Variants in VPS13C observed in about 807,000 individuals in gnomAD.
VPS13C encodes the protein intermembrane lipid transfer protein VPS13C.
A neutral mutation model predicts 456.8 loss-of-function variants in VPS13C; 358 were observed. The ratio of observed to expected loss-of-function variants is 0.78; its 90% CI spans 0.72 to 0.86. The LOEUF (loss-of-function observed/expected upper bound fraction) is 0.86. Ranked by LOEUF, VPS13C falls within the 40% of genes least tolerant of loss-of-function variation. The probability of loss-of-function intolerance (pLI) is 0.00; values close to 1 mark genes in which losing one functional copy is unlikely to be tolerated. For synonymous variants in VPS13C, 1,578 were observed against 1,486.7 expected (o/e 1.06, Z -1.41); for missense variants, 4,818 against 4,385.4 (o/e 1.10, Z -2.79).
At chr15:62,041,056 A>G (rs555664112) in intron 3 of VPS13C, among the ~76,000 whole-genome samples, 1 of 152,330 alleles carries the variant, frequency 6.6e-6, no homozygotes, top group East Asian at 1.9e-4. Flanking sequence ...CTGAAAATGA[A>G]GGTATATTTT....
intron 82 of VPS13C, among the ~76,000 whole-genome samples, chr15:61,857,994 C>A (rs1894014168): frequency 6.6e-6 from 1 of 152,178 alleles, no homozygotes; most frequent in South Asian, 2.1e-4. Context: ...GTCCTACAAT[C>A]ACTGTGGCAA....
rs767421148 is a variant in VPS13C at position 61,982,440 on chromosome 15, A to G, written c.2029+19T>C. 6.3e-7 allele frequency: 1 copy of G among 1,581,260 alleles called. No individual in the cohort carries two copies. Among genetic ancestry groups the G allele is most frequent in the South Asian group, 1.2e-5 (1 of 85,490 alleles). On this transcript the variant is annotated intron_variant, in intron 21 of 84. Transcript: ENST00000644861. ...TTTTAAGCTTAGCTGATGCTTATGT[A>G]GACACTCAAATTCTTCACCTGTAGC...
intron 82 of VPS13C, chr15:61,856,675 CTTTT>C (rs1181385914): frequency 6.9e-6 from 1 of 145,144 alleles, no homozygotes; most frequent in Non-Finnish European, 1.3e-5. Context: ...ACTTTTTTTT[CTTTT>C]TTCTTTTCTT....
Position 61,869,517 on chromosome 15 carries a change from G to C in VPS13C, c.10731C>G (p.Thr3577=). 1 of 1,614,056 alleles carries C rather than the reference G, an allele frequency of 6.2e-7. No homozygotes were observed. The highest frequency in any genetic ancestry group is 8.5e-7 in the Non-Finnish European group (1 of 1,180,004). The part of the protein sequence containing the change: ...TGGIVDMASS[T]FQGIQRAAES... ...TCAATTACCTCTGAATGCCTTGGAA[G>C]GTACTACTGGCCATATCTACGATTC... Residue 3577 remains threonine (T), a synonymous_variant, in exon 80 of 85, where the codon ACC becomes ACG. Coordinates refer to ENST00000644861, the MANE Select transcript of VPS13C (RefSeq NM_020821.3).
Position 61,852,901 on chromosome 15 carries a change from C to T in VPS13C, c.*1556G>A, listed in dbSNP as rs921522885. 1 of 152,072 alleles carries T rather than the reference C, an allele frequency of 6.6e-6. No individual in the cohort carries two copies. The highest frequency in any genetic ancestry group is 1.5e-5 in the Non-Finnish European group (1 of 67,982). 9.4% of individuals were successfully genotyped at this position (152,072 alleles called of 1,614,324 possible). A position where few individuals can be genotyped will look rare whatever the true frequency, so the allele number is the denominator to read the frequency against. On this transcript the variant is annotated 3_prime_UTR_variant, in exon 85 of 85. Coordinates refer to ENST00000644861, the MANE Select transcript of VPS13C (RefSeq NM_020821.3). ...AGTTTTATGACCAGGCCTTAAAAAACATGAATGATGATGACAGAACCACTA... is the reference window on the plus strand; with the variant it reads ...AGTTTTATGACCAGGCCTTAAAAAATATGAATGATGATGACAGAACCACTA...
rs12595158 is a variant in VPS13C at position 62,023,836 on chromosome 15, C to T, written c.458G>A (p.Arg153His). 0.041 allele frequency: 65,634 copies of T among 1,609,346 alleles called. 3,215 individuals carry two copies. The highest frequency in any genetic ancestry group is 0.21 in the East Asian group (9,470 of 44,618). ...CTTAAAATGTTTTTTGTGCTTTTTA[C>T]GTTTACGTCCTTCACAGTGGAAGCA... Reference protein sequence around the residue: ...VYKDIKPGRKRKKHKKHFKKP... With the variant: ...VYKDIKPGRKHKKHKKHFKKP... Residue 153 changes from arginine to histidine, a missense_variant, in exon 7 of 85, where the codon CGT (arginine) becomes CAT (histidine). Arg to His is a conservative substitution (Grantham distance 29). This residue lies in a region of VPS13C where 4,552 missense variants were observed against 4,130.6 expected (regional missense o/e 1.10). Transcript: ENST00000644861.
rs3784632 is a variant in VPS13C at position 61,978,566 on chromosome 15, G to A, written c.2290+60C>T. The A allele has an allele frequency of 0.35, 543,787 of 1,570,084 alleles. 96,928 individuals are homozygous for A. The highest frequency in any genetic ancestry group is 0.49 in the Middle Eastern group (2,851 of 5,820). ...GATATATAGGCACACATATATACACGTATATTACACAAACTACCCATCATA... is the reference window on the plus strand; with the variant it reads ...GATATATAGGCACACATATATACACATATATTACACAAACTACCCATCATA... On this transcript the variant is annotated intron_variant, in intron 23 of 84. Coordinates refer to ENST00000644861, the MANE Select transcript of VPS13C (RefSeq NM_020821.3).
chr15:61,983,026 G>T (rs1350889899), intron 20 of VPS13C, among the ~76,000 whole-genome samples: 1 of 152,142 alleles, frequency 6.6e-6, no homozygotes, highest in Non-Finnish European at 1.5e-5. Context: ...CAGTTCTGGA[G>T]ACTGGCTGTT....
intron 53 of VPS13C, among the ~76,000 whole-genome samples, chr15:61,924,887 T>C (rs1305354138): frequency 6.6e-6 from 1 of 152,174 alleles, no homozygotes; most frequent in Non-Finnish European, 1.5e-5. Flanking sequence ...TTCTATATCT[T>C]CTATTCGTGA....
Position 61,858,151 on chromosome 15 carries a change from T to G in VPS13C, c.10953-1742A>C, listed in dbSNP as rs1332668700. Among the ~76,000 whole-genome samples the G allele has an allele frequency of 6.6e-6, 1 of 152,124 alleles. No homozygotes were observed. The highest frequency in any genetic ancestry group is 2.4e-5 in the African/African-American group (1 of 41,420). ...TATTCCAAATATCTTTAAACTCTTC[T>G]CTTTACCATCCCAATAATACTACCG... On this transcript the variant is annotated intron_variant, in intron 82 of 84. Transcript: ENST00000644861. This position sits in a 1 kb window ranked among gnomAD's most constrained non-coding sequence, Gnocchi z 4.4.
rs1269010008 is a variant in VPS13C at position 61,935,435 on chromosome 15, A to C, written c.5756-1104T>G. 2.0e-4 allele frequency: 30 copies of C among 152,240 alleles called. 1 individual carries two copies. The highest frequency in any genetic ancestry group is 2.0e-3 in the Admixed American group (30 of 15,286). The allele number at this position is 152,240 out of a possible 1,614,324, so 9.4% of individuals were successfully genotyped here. ...TCTATTTTTCTGAGAAATAATTTAT[A>C]TTCTAATTTTCATCATCTTTGCAGC... On this transcript the variant is annotated intron_variant, in intron 48 of 84. Coordinates refer to ENST00000644861, the MANE Select transcript of VPS13C (RefSeq NM_020821.3).
chr15:61,875,957 G>T, intron 75 of VPS13C, 112 bp from the exon 76 acceptor site: 1 of 727,566 alleles, frequency 1.4e-6, no homozygotes, highest in Non-Finnish European at 2.2e-6. Context: ...TTAAAAGAAA[G>T]CTGTATGGAA....
intron 6 of VPS13C, among the ~76,000 whole-genome samples, 186 bp from the exon 7 acceptor site, chr15:62,024,031 A>G (rs2047551724): frequency 6.6e-6 from 1 of 152,088 alleles, no homozygotes. Flanking sequence ...GTCTAGAATA[A>G]CCTTCTATTG....
chr15:61,960,254 T>G (rs1472233997), intron 35 of VPS13C, among the ~76,000 whole-genome samples: 1 of 152,144 alleles, frequency 6.6e-6, no homozygotes, highest in African/African-American at 2.4e-5. Context: ...GACTGTAGTC[T>G]TCAAAACTAC....
At chr15:62,019,041 T>C (rs1200033400) in intron 9 of VPS13C, among the ~76,000 whole-genome samples, 3 of 152,198 alleles carry the variant, frequency 2.0e-5, no homozygotes, top group Non-Finnish European at 4.4e-5. Context: ...GAGGAATTTG[T>C]CCATTTCTTC....
At position 61,944,866 on chromosome 15, in the gene VPS13C, T is replaced by C. The variant is rs553501585; in HGVS notation, c.5148+849A>G. ...AAATATGATTTTTAAAAGTTTTGAT[T>C]GGCAGCCCCACTAAGAAGAATAGGC... On this transcript the variant is annotated intron_variant, in intron 45 of 84. Transcript: ENST00000644861. 9.8e-5 allele frequency among the ~76,000 whole-genome samples: 15 copies of C among 152,330 alleles called. No individual in the cohort carries two copies. In the South Asian group the frequency reaches 2.9e-3, roughly 29 times the overall value.
chr15:61,877,088 T>C, intron 74 of VPS13C, 34 bp from the exon 75 acceptor site: 4 of 1,491,374 alleles, frequency 2.7e-6, no homozygotes, highest in Non-Finnish European at 3.7e-6. Context: ...TCAAAGATAC[T>C]AATATTATAT....
rs927292360 is a variant in VPS13C at position 61,917,651 on chromosome 15, A to C, written c.7761-16T>G. On this transcript the variant is annotated splice_polypyrimidine_tract_variant and intron_variant, in intron 59 of 84. Transcript: ENST00000644861. Reference sequence around the variant, plus strand: ...CAATTGACATCTGCAGAAAGAGGAAACAGTGACAATAAAGTTTTGATCCAC... The same window carrying C: ...CAATTGACATCTGCAGAAAGAGGAACCAGTGACAATAAAGTTTTGATCCAC... 3 of 1,602,396 alleles carry C rather than the reference A, an allele frequency of 1.9e-6. No individual in the cohort carries two copies. Among genetic ancestry groups the C allele is most frequent in the Admixed American group, 1.7e-5 (1 of 59,184 alleles).
In VPS13C at chr15:61,972,776, A is replaced by C; in HGVS notation, c.2618-12T>G. ...CTCATCATCAGACTCTAAAGGAAAA[A>C]GACATTTATTTGATCTGAGACAATG... is the stretch of plus-strand genomic sequence containing the variant. On this transcript the variant is annotated splice_polypyrimidine_tract_variant and intron_variant, in intron 26 of 84. Transcript: ENST00000644861. The C allele has an allele frequency of 6.2e-7, 1 of 1,602,844 alleles. No homozygotes were observed. The highest frequency in any genetic ancestry group is 8.5e-7 in the Non-Finnish European group (1 of 1,174,894).
Sources: gnomAD v4.1 joint callset for allele counts (sites outside exome capture counted in the v4.1 genomes callset) on GRCh38, gnomAD v4.1.1 for gene constraint, gnomAD v4.1.1 regional missense constraint, Gnocchi (gnomAD v3.1) non-coding constraint, MANE v1.5 for transcripts, NCBI Gene and HGNC (gene_info 2026-07-23, HGNC 2026-07-21) for gene names.